Variants in MOV10L1 observed in about 807,000 individuals in gnomAD.
MOV10L1 encodes the protein Mov10 like RNA helicase 1.
MOV10L1 carries 110 observed loss-of-function variants against 143.8 expected under a neutral mutation model. The observed-to-expected ratio is 0.76, with a 90% CI of 0.66 to 0.90. The LOEUF is 0.90. MOV10L1 is among the 40% of genes least tolerant of loss of function. The pLI, the probability that MOV10L1 is intolerant of heterozygous loss-of-function variation, is 0.00. For synonymous variants in MOV10L1, 593 were observed against 581.1 expected, an observed-to-expected ratio of 1.02 and a Z score of -0.29; for missense variants, 1,406 against 1,526.8, an observed-to-expected ratio of 0.92 and a Z score of 1.32.
chr22:50,113,839 C>A, intron 6 of MOV10L1, 51 bp downstream of exon 6: 1 of 1,381,426 alleles, frequency 7.2e-7, no homozygotes, highest in Non-Finnish European at 9.5e-7. Context: ...ATGGCTTTTA[C>A]ACTATGACTC....
intron 15 of MOV10L1, among the ~76,000 whole-genome samples, chr22:50,140,084 C>T (rs1244844402): frequency 6.6e-6 from 1 of 152,158 alleles, no homozygotes; most frequent in Non-Finnish European, 1.5e-5. Flanking sequence ...ACCCAGTGTC[C>T]GTGAGCAGGT....
intron 2 of MOV10L1, among the ~76,000 whole-genome samples, chr22:50,099,144 G>A (rs1380933268): frequency 6.6e-6 from 1 of 152,240 alleles, no homozygotes; most frequent in East Asian, 1.9e-4. Context: ...AAATACGTAT[G>A]TTGAAATCCT....
In MOV10L1 at chr22:50,159,669, GT is replaced by G; in HGVS notation, c.3217-7del. ...TTATCTTTAGTCTTTCTTTTAATCT[GT>G]TCTCAAGGTGGAGAAAATCAGAATT... On this transcript the variant is annotated splice_region_variant and splice_polypyrimidine_tract_variant and intron_variant, in intron 23 of 26. Transcript: ENST00000262794. The surrounding 1 kb of genome is among the most constrained non-coding windows in gnomAD (Gnocchi z 4.1). The G allele has an allele frequency of 6.4e-7, 1 of 1,558,276 alleles. No individual in the cohort carries two copies. The highest frequency in any genetic ancestry group is 8.8e-7 in the Non-Finnish European group (1 of 1,130,982).
At chr22:50,105,410 G>A (rs951487163) in intron 3 of MOV10L1, among the ~76,000 whole-genome samples, 1 of 152,156 alleles carries the variant, frequency 6.6e-6, no homozygotes, top group African/African-American at 2.4e-5. Flanking sequence ...TTAAGAAAGG[G>A]CTTCATCGAA....
chr22:50,127,030 T>C (rs1478058349), intron 12 of MOV10L1, among the ~76,000 whole-genome samples: 1 of 152,144 alleles, frequency 6.6e-6, no homozygotes, highest in African/African-American at 2.4e-5. Flanking sequence ...TTCAGAGATT[T>C]TGTAATGAAT....
chr22:50,146,589 C>G (rs552827665), intron 19 of MOV10L1, among the ~76,000 whole-genome samples: 1 of 152,144 alleles, frequency 6.6e-6, no homozygotes, highest in Admixed American at 6.5e-5. Flanking sequence ...AAGCCCCACC[C>G]TCCCTGACGG....
At chr22:50,090,714 T>A in intron 1 of MOV10L1, 1 of 669,306 alleles carries the variant, frequency 1.5e-6, no homozygotes. Flanking sequence ...TTCGCTCTTG[T>A]TGCCCAGGCT....
At chr22:50,120,385 C>G (rs2062304878) in intron 9 of MOV10L1, 117 bp from the exon 10 acceptor site, 2 of 684,220 alleles carry the variant, frequency 2.9e-6, no homozygotes, top group Non-Finnish European at 5.1e-6. Context: ...ATCAGTTCTT[C>G]TCAGGAAATG....
At chr22:50,143,973 G>T in intron 17 of MOV10L1, 124 bp from the exon 18 acceptor site, 1 of 1,265,134 alleles carries the variant, frequency 7.9e-7, no homozygotes, top group Non-Finnish European at 1.1e-6. Flanking sequence ...GTGTGTTGGG[G>T]GCTGGCATCT....
chr22:50,091,487 CTAA>C (rs1341624953), intron 1 of MOV10L1: 1 of 154,670 alleles, frequency 6.5e-6, no homozygotes, highest in African/African-American at 2.4e-5. Flanking sequence ...ATCGATAGTA[CTAA>C]TAAAACCGTG....
At chr22:50,131,110 G>A (rs1243596079) in intron 13 of MOV10L1, among the ~76,000 whole-genome samples, 3 of 142,464 alleles carry the variant, frequency 2.1e-5, no homozygotes, top group Admixed American at 1.4e-4. Context: ...GGGTTTCACT[G>A]TGTTAGCCAG....
At chr22:50,093,302 T>G (rs1011912615) in intron 2 of MOV10L1, 3 of 152,204 alleles carry the variant, frequency 2.0e-5, no homozygotes, top group Non-Finnish European at 4.4e-5. Flanking sequence ...AATCAGAGCT[T>G]TTTAAGGAAA....
intron 22 of MOV10L1, among the ~76,000 whole-genome samples, chr22:50,156,064 A>G (rs946264326): frequency 3.3e-5 from 5 of 151,952 alleles, no homozygotes; most frequent in African/African-American, 9.7e-5. Flanking sequence ...TCATTCATTC[A>G]TTCATTCATT....
intron 24 of MOV10L1, among the ~76,000 whole-genome samples, chr22:50,160,058 G>A (rs898788063): frequency 2.0e-5 from 3 of 152,116 alleles, no homozygotes; most frequent in Admixed American, 6.5e-5. Context: ...GAAGTTGGAA[G>A]AACAGGCAGC....
At chr22:50,143,356 A>C in intron 17 of MOV10L1, 135 bp downstream of exon 17, 1 of 1,020,304 alleles carries the variant, frequency 9.8e-7, no homozygotes, top group Admixed American at 1.9e-5. Flanking sequence ...TTATTTCATA[A>C]TGTTAAGTCT....
intron 18 of MOV10L1, among the ~76,000 whole-genome samples, chr22:50,144,675 A>T (rs149408877): frequency 6.7e-6 from 1 of 150,198 alleles, no homozygotes; most frequent in Admixed American, 6.6e-5. Flanking sequence ...TCCGCCTCCC[A>T]GGTTCACACC....
chr22:50,129,240 C>T (rs1369733378), intron 13 of MOV10L1, among the ~76,000 whole-genome samples: 1 of 152,212 alleles, frequency 6.6e-6, no homozygotes, highest in African/African-American at 2.4e-5. Flanking sequence ...TCACCGTCAG[C>T]TACCAGCTCC....
chr22:50,149,096 A>G (rs2063227879), intron 19 of MOV10L1, among the ~76,000 whole-genome samples: 1 of 152,232 alleles, frequency 6.6e-6, no homozygotes, highest in South Asian at 2.1e-4. Flanking sequence ...AGCGGATGGC[A>G]GGAGAGGCTG....
intron 15 of MOV10L1, among the ~76,000 whole-genome samples, chr22:50,137,237 A>G (rs972369593): frequency 2.6e-5 from 4 of 152,226 alleles, no homozygotes; most frequent in African/African-American, 9.7e-5. Flanking sequence ...GCAGACAAGG[A>G]CATTAAAACA....
Sources: allele counts gnomAD v4.1 joint callset (sites outside exome capture counted in the v4.1 genomes callset), GRCh38; gene constraint gnomAD v4.1.1; non-coding constraint Gnocchi (gnomAD v3.1); transcripts MANE v1.5; gene names NCBI Gene and HGNC (gene_info 2026-07-23, HGNC 2026-07-21).